Variants in AKAP13 observed in about 807,000 individuals in gnomAD.
AKAP13 encodes A-kinase anchoring protein 13.
AKAP13 carries 80 observed loss-of-function variants against 264.5 expected under a neutral mutation model. That is an observed-to-expected ratio of 0.30 (90% confidence interval 0.25 to 0.36). The LOEUF is 0.36. Ranked by LOEUF, AKAP13 falls within the 10% of genes least tolerant of loss-of-function variation. AKAP13 has a pLI of 1.00. For synonymous variants in AKAP13, 1,380 were observed against 1,250.2 expected (o/e 1.10, Z -2.19); for missense variants, 3,712 against 3,435.2 (o/e 1.08, Z -2.01).
Position 85,546,920 on chromosome 15 carries a change from T to G in AKAP13, c.662+2965T>G, listed in dbSNP as rs1212127990. Among the ~76,000 whole-genome samples, 4 of 152,168 alleles carry G rather than the reference T, an allele frequency of 2.6e-5. No individual in the cohort carries two copies. In the South Asian group the frequency reaches 6.2e-4, roughly 24 times the overall value. On this transcript the variant is annotated intron_variant, in intron 5 of 36. Coordinates refer to ENST00000394518, the MANE Select transcript of AKAP13 (RefSeq NM_007200.5). Reference sequence around the variant, plus strand: ...CACCATGTCCGGCTAATTTTTGTATTTTTAGTAGAGACGGGGTTTCACCAT... The same window carrying G: ...CACCATGTCCGGCTAATTTTTGTATGTTTAGTAGAGACGGGGTTTCACCAT...
rs375394196 is a variant in AKAP13, at chr15:85,633,644, C to T, written c.4162-5730C>T. Among the ~76,000 whole-genome samples, 98 of 147,724 alleles carry T rather than the reference C, an allele frequency of 6.6e-4. 1 individual carries two copies. Among genetic ancestry groups the T allele is most frequent in the African/African-American group, 2.2e-3 (88 of 40,432 alleles). On this transcript the variant is annotated intron_variant, in intron 8 of 36. Transcript: ENST00000394518. ...CTGCAAGCTGAGCCTCCCGGGTTCA[C>T]GCCATTCTCCTGCCTCAGCCTCCCG...
intron 1 of AKAP13, among the ~76,000 whole-genome samples, chr15:85,403,818 A>G (rs1024188951): frequency 1.3e-5 from 2 of 149,310 alleles, no homozygotes; most frequent in East Asian, 3.9e-4. Flanking sequence ...ATCGCATGCC[A>G]TCCTGGGCAA....
chr15:85,744,243 A>C (rs759566254), intron 36 of AKAP13: 37 of 302,992 alleles, frequency 1.2e-4, no homozygotes, highest in South Asian at 1.8e-4. Context: ...CACAGAGGCT[A>C]ACTAATGTGC....
intron 5 of AKAP13, among the ~76,000 whole-genome samples, chr15:85,557,663 G>C (rs1006452008): frequency 2.0e-5 from 3 of 151,908 alleles, no homozygotes; most frequent in African/African-American, 7.3e-5. Context: ...TTTGTGTAGA[G>C]ATGAGGTCTT....
rs1034881834 is a variant in AKAP13 at position 85,658,577 on chromosome 15, A to C, written c.4786A>C (p.Ile1596Leu). ...VLGDVVRRPP[I>L]HRRSFSLEGL... ...TGGGGATGTTGTCAGGAGACCTCCC[A>C]TTCATAGGAGAAGGTACAGAGTTCA... Residue 1596 changes from isoleucine (I) to leucine (L), a missense_variant, in exon 12 of 37, where the codon ATT (isoleucine) becomes CTT (leucine). This residue lies in a region of AKAP13 where 2,759 missense variants were observed against 2,411.7 expected (regional missense o/e 1.14). Transcript: ENST00000394518. The C allele has an allele frequency of 1.5e-5, 24 of 1,613,740 alleles. No homozygotes were observed. The highest frequency in any genetic ancestry group is 1.7e-5 in the Non-Finnish European group (20 of 1,179,860).
intron 8 of AKAP13, among the ~76,000 whole-genome samples, chr15:85,604,756 A>T (rs1278495366): frequency 6.9e-6 from 1 of 145,812 alleles, no homozygotes; most frequent in Non-Finnish European, 1.5e-5. Flanking sequence ...GAACTGCTGC[A>T]CCCAGCCTTC....
At chr15:85,684,933 A>G (rs2084808622) in intron 16 of AKAP13, 60 bp downstream of exon 16, 1 of 1,549,432 alleles carries the variant, frequency 6.5e-7, no homozygotes, top group Non-Finnish European at 8.7e-7. Flanking sequence ...CACAGCCTGC[A>G]TTCACACCAA....
chr15:85,684,706 C>T (rs1228955932), intron 15 of AKAP13, 35 bp from the exon 16 acceptor site: 2 of 1,590,146 alleles, frequency 1.3e-6, no homozygotes, highest in Non-Finnish European at 1.7e-6. Flanking sequence ...TTCTGTAGCC[C>T]TTTAAAAAAA....
chr15:85,567,658 A>G (rs1360812425), intron 5 of AKAP13, among the ~76,000 whole-genome samples: 1 of 152,054 alleles, frequency 6.6e-6, no homozygotes, highest in Non-Finnish European at 1.5e-5. Flanking sequence ...TTCTGTGTGC[A>G]TGTCCGGTTC....
At chr15:85,617,293 G>C (rs796265137) in intron 8 of AKAP13, among the ~76,000 whole-genome samples, 1 of 152,164 alleles carries the variant, frequency 6.6e-6, no homozygotes, top group Admixed American at 6.5e-5. Flanking sequence ...TGCCAGGCTC[G>C]AGTGCAGTGG....
At chr15:85,646,426 C>T (rs1329101781) in intron 10 of AKAP13, among the ~76,000 whole-genome samples, 1 of 151,470 alleles carries the variant, frequency 6.6e-6, no homozygotes, top group Non-Finnish European at 1.5e-5. Context: ...GACTCTGTCT[C>T]CAAAAACAAA....
intron 16 of AKAP13, among the ~76,000 whole-genome samples, chr15:85,692,326 A>G (rs567365027): frequency 6.6e-6 from 1 of 152,354 alleles, no homozygotes; most frequent in South Asian, 2.1e-4. Context: ...GGCACTGTGC[A>G]AAATGCTTTA....
chr15:85,647,552 C>T (rs1193084212), intron 10 of AKAP13, among the ~76,000 whole-genome samples: 2 of 151,580 alleles, frequency 1.3e-5, no homozygotes, highest in African/African-American at 2.4e-5. Context: ...TCATTGTCTT[C>T]CCAAGGTCTT....
intron 5 of AKAP13, among the ~76,000 whole-genome samples, chr15:85,553,330 C>G (rs535078524): frequency 6.6e-6 from 1 of 152,022 alleles, no homozygotes; most frequent in African/African-American, 2.4e-5. Context: ...TCAGGTGATC[C>G]GCCTGCCTCG....
intron 8 of AKAP13, among the ~76,000 whole-genome samples, chr15:85,620,767 A>G (rs756407613): frequency 2.6e-5 from 4 of 152,094 alleles, no homozygotes; most frequent in Non-Finnish European, 4.4e-5. Context: ...GACTTTGTTG[A>G]TAGCTGTATT....
intron 8 of AKAP13, among the ~76,000 whole-genome samples, chr15:85,622,603 G>GATAAGAGGATT (rs1227998634): frequency 6.6e-6 from 1 of 152,204 alleles, no homozygotes; most frequent in Admixed American, 6.5e-5. Flanking sequence ...GCACAGGCAG[G>GATAAGAGGATT]ATAAGAGGAT....
chr15:85,551,138 A>C (rs1013710213), intron 5 of AKAP13, among the ~76,000 whole-genome samples: 4 of 152,174 alleles, frequency 2.6e-5, no homozygotes, highest in Non-Finnish European at 4.4e-5. Context: ...TTAATTTATG[A>C]TGGTTAATAA....
In AKAP13 at chr15:85,662,476, G is replaced by A. The variant is rs370620864; in HGVS notation, c.4800-2087G>A. ...AAGGTATGATATTGTTATGTGTCCC[G>A]CCACCAAATGGGGAACCATAAAATA... On this transcript the variant is annotated intron_variant, in intron 12 of 36. Transcript: ENST00000394518. 2.9e-5 allele frequency: 47 copies of A among 1,613,592 alleles called. No individual in the cohort carries two copies. The Middle Eastern group carries it at 5.0e-4, about 17-fold the overall frequency.
chr15:85,485,584 A>C, intron 1 of AKAP13, 126 bp from the exon 2 acceptor site: 1 of 722,462 alleles, frequency 1.4e-6, no homozygotes, highest in Non-Finnish European at 2.4e-6. Flanking sequence ...ACAGCTGGGC[A>C]TATGGTAATC....
Sources: allele counts gnomAD v4.1 joint callset (sites outside exome capture counted in the v4.1 genomes callset), GRCh38; gene constraint gnomAD v4.1.1; regional missense constraint gnomAD v4.1.1; transcripts MANE v1.5; gene names NCBI Gene and HGNC (gene_info 2026-07-23, HGNC 2026-07-21).